PARG: variants seen among roughly 807,000 people sequenced by gnomAD.
The protein encoded by PARG is poly(ADP-ribose) glycohydrolase.
PARG carries 35 observed loss-of-function variants against 113.0 expected under a neutral mutation model. That is an observed-to-expected ratio of 0.31 (90% CI 0.24 to 0.41). PARG has a LOEUF of 0.41. Ranked by LOEUF, PARG falls within the 10% of genes least tolerant of loss-of-function variation. The pLI, the probability that PARG is intolerant of heterozygous loss-of-function variation, is 1.00. For synonymous variants in PARG, 330 were observed against 409.9 expected, an observed-to-expected ratio of 0.81 and a Z score of 2.36; for missense variants, 797 against 1,169.4, an observed-to-expected ratio of 0.68 and a Z score of 4.64.
chr10:49,819,696 T>A (rs1366372748), intron 17 of PARG, among the ~76,000 whole-genome samples: 1 of 152,122 alleles, frequency 6.6e-6, no homozygotes, highest in South Asian at 2.1e-4. Flanking sequence ...AGAAACAACT[T>A]CTTTGCTCAT....
intron 6 of PARG, among the ~76,000 whole-genome samples, chr10:49,917,320 C>G (rs531460202): frequency 7.1e-4 from 108 of 151,846 alleles, no homozygotes; most frequent in Middle Eastern, 3.4e-3. Flanking sequence ...GAAACCATGT[C>G]TCTAATAAAA....
At chr10:49,857,812 A>C (rs1202346307) in intron 12 of PARG, among the ~76,000 whole-genome samples, 1 of 141,532 alleles carries the variant, frequency 7.1e-6, no homozygotes, top group Non-Finnish European at 1.5e-5. Context: ...TCCCCCATTC[A>C]CTACTCAACT....
chr10:49,934,597 C>T (rs1189209622), intron 2 of PARG, among the ~76,000 whole-genome samples: 2 of 152,088 alleles, frequency 1.3e-5, no homozygotes, highest in Non-Finnish European at 2.9e-5. Flanking sequence ...CACCTGTAAT[C>T]CCAGCACTTT....
At chr10:49,869,898 C>T (rs1429438853) in intron 9 of PARG, among the ~76,000 whole-genome samples, 2 of 152,062 alleles carry the variant, frequency 1.3e-5, no homozygotes, top group African/African-American at 4.8e-5. Flanking sequence ...TGGCTAAAAA[C>T]ATTTATAATT....
intron 13 of PARG, 33 bp from the exon 14 acceptor site, chr10:49,843,665 C>T (rs1845355942): frequency 7.4e-7 from 1 of 1,352,002 alleles, no homozygotes; most frequent in South Asian, 1.2e-5. Context: ...ATTAACTTCA[C>T]ACTTGATGGC....
intron 7 of PARG, among the ~76,000 whole-genome samples, chr10:49,891,619 A>AT (rs1847802868): frequency 2.8e-4 from 13 of 45,962 alleles, no homozygotes; most frequent in African/African-American, 1.1e-3. Flanking sequence ...ATATATATAT[A>AT]TATATTTTTT....
At chr10:49,929,192 G>A (rs1838364870) in intron 4 of PARG, among the ~76,000 whole-genome samples, 3 of 150,650 alleles carry the variant, frequency 2.0e-5, no homozygotes, top group Admixed American at 1.3e-4. Flanking sequence ...TTCTTTGTGG[G>A]AGGGTGGGAG....
intron 8 of PARG, among the ~76,000 whole-genome samples, chr10:49,884,253 T>C (rs1390195957): frequency 1.3e-5 from 2 of 152,312 alleles, no homozygotes; most frequent in East Asian, 3.9e-4. Context: ...ACATAATTTG[T>C]TATGTAGCAA....
chr10:49,830,817 C>T (rs1554830158), intron 16 of PARG, among the ~76,000 whole-genome samples: 1 of 152,008 alleles, frequency 6.6e-6, no homozygotes, highest in African/African-American at 2.4e-5. Context: ...ATGAAGTATA[C>T]GTATTCTTTG....
chr10:49,844,179 TTAAAA>T (rs782606626), intron 13 of PARG, among the ~76,000 whole-genome samples: 2 of 151,170 alleles, frequency 1.3e-5, no homozygotes, highest in Non-Finnish European at 3.0e-5. Context: ...AAAGGGGAAA[TTAAAA>T]TAAAGAAAAA....
At chr10:49,906,626 A>G (rs1207921983) in intron 7 of PARG, among the ~76,000 whole-genome samples, 1 of 152,110 alleles carries the variant, frequency 6.6e-6, no homozygotes, top group Non-Finnish European at 1.5e-5. Flanking sequence ...TGTAAAACAG[A>G]AATATTAATA....
At chr10:49,928,323 T>G (rs1554851228) in intron 4 of PARG, among the ~76,000 whole-genome samples, 1 of 152,118 alleles carries the variant, frequency 6.6e-6, no homozygotes, top group Non-Finnish European at 1.5e-5. Context: ...CTGAAAGTAT[T>G]TTCACCCTCA....
At chr10:49,843,459 C>T in intron 14 of PARG, 95 bp downstream of exon 14, 1 of 761,890 alleles carries the variant, frequency 1.3e-6, no homozygotes, top group Non-Finnish European at 2.3e-6. Context: ...AGTTCACTTG[C>T]TGAAATACAA....
chr10:49,899,926 T>C (rs568299205), intron 7 of PARG, among the ~76,000 whole-genome samples: 3 of 152,308 alleles, frequency 2.0e-5, no homozygotes, highest in South Asian at 2.1e-4. Context: ...GCCCTAACGA[T>C]AGATAAATGA....
intron 14 of PARG, 34 bp from the exon 15 acceptor site, chr10:49,842,092 GAACAGGT>G: frequency 3.6e-6 from 5 of 1,392,998 alleles, no homozygotes; most frequent in Non-Finnish European, 5.0e-6. Context: ...AAAAGATAAG[GAACAGGT>G]AGTCGCTCAA....
chr10:49,921,327 T>C (rs10857546), intron 6 of PARG, among the ~76,000 whole-genome samples: 65,808 of 151,994 alleles, frequency 0.43, 16,647 homozygotes, highest in East Asian at 0.59. Context: ...CATTAATAAT[T>C]CTAATGATAA....
chr10:49,934,124 G>T lies in PARG; in HGVS notation c.324C>A (p.Ser108=). ...TATCTTTTTGTACAGAACTCATCATGGATTCTATTCTTGTATTGTTGTTTT... is the reference window on the plus strand; with the variant it reads ...TATCTTTTTGTACAGAACTCATCATTGATTCTATTCTTGTATTGTTGTTTT... ...SKENNNTRIE[S]MMSSVQKDNF... is the part of the protein sequence containing the mutation. Residue 108 remains serine, a synonymous_variant, in exon 3 of 18, where the codon TCC becomes TCA. Coordinates refer to ENST00000616448, the MANE Select transcript of PARG (RefSeq NM_003631.5). 1.7e-6 allele frequency: 2 copies of T among 1,154,042 alleles called. No homozygotes were observed. The highest frequency in any genetic ancestry group is 1.5e-5 in the African/African-American group (1 of 66,212). 71.5% of individuals were successfully genotyped at this position (1,154,042 alleles called of 1,614,324 possible).
intron 7 of PARG, among the ~76,000 whole-genome samples, chr10:49,889,668 T>G (rs1176000223): frequency 1.3e-5 from 2 of 152,242 alleles, no homozygotes; most frequent in African/African-American, 4.8e-5. Flanking sequence ...ATGTTAAACC[T>G]AAAGATATTA....
chr10:49,879,020 AT>A (rs1847091589), intron 9 of PARG, among the ~76,000 whole-genome samples: 1 of 152,244 alleles, frequency 6.6e-6, no homozygotes, highest in South Asian at 2.1e-4. Flanking sequence ...TGTGTAGAAG[AT>A]AGAGAAAGCA....
Sources: gnomAD v4.1 joint callset for allele counts (sites outside exome capture counted in the v4.1 genomes callset) on GRCh38, gnomAD v4.1.1 for gene constraint, MANE v1.5 for transcripts, NCBI Gene and HGNC (gene_info 2026-07-23, HGNC 2026-07-21) for gene names.